Variants in SGCD observed in about 807,000 individuals in gnomAD.
SGCD encodes sarcoglycan delta, also known as delta-sarcoglycan.
A neutral mutation model predicts 36.6 loss-of-function variants in SGCD; 18 were observed. The ratio of observed to expected loss-of-function variants is 0.49; its 90% CI spans 0.34 to 0.73. The LOEUF (loss-of-function observed/expected upper bound fraction) is 0.73, where lower values mean the gene tolerates loss of function less well. SGCD is among the 30% of genes least tolerant of loss of function. SGCD has a pLI of 0.01. For synonymous variants in SGCD, 133 were observed against 130.6 expected (o/e 1.02, Z -0.12); for missense variants, 387 against 346.7 (o/e 1.12, Z -0.92).
At chr5:156,396,497 G>T (rs528406957) in intron 3 of SGCD, among the ~76,000 whole-genome samples, 1 of 152,128 alleles carries the variant, frequency 6.6e-6, no homozygotes, top group Admixed American at 6.5e-5. Context: ...GCGGGGTTTT[G>T]GAGAGAAAAT....
intron 3 of SGCD, among the ~76,000 whole-genome samples, chr5:156,204,816 T>C (rs1764235916): frequency 6.6e-6 from 1 of 152,128 alleles, no homozygotes; most frequent in African/African-American, 2.4e-5. Context: ...ATGTAAGTCG[T>C]AAGTAGCTAC....
chr5:156,736,586 G>A (rs2113043947), intron 7 of SGCD, among the ~76,000 whole-genome samples: 1 of 152,232 alleles, frequency 6.6e-6, no homozygotes, highest in Middle Eastern at 3.4e-3. Flanking sequence ...TCAATGGAAA[G>A]TTTTAAGAAG....
intron 3 of SGCD, among the ~76,000 whole-genome samples, chr5:156,257,971 G>A (rs907589973): frequency 2.6e-5 from 4 of 152,006 alleles, no homozygotes; most frequent in African/African-American, 7.3e-5. Context: ...TAATATGTGC[G>A]GTAAAATGGG....
chr5:156,593,200 G>T (rs143145606), intron 5 of SGCD, among the ~76,000 whole-genome samples: 1 of 152,178 alleles, frequency 6.6e-6, no homozygotes. Flanking sequence ...GAATAAGAAT[G>T]AGTTGGGAAA....
At chr5:156,542,350 T>A (rs1203425728) in intron 4 of SGCD, among the ~76,000 whole-genome samples, 1 of 152,210 alleles carries the variant, frequency 6.6e-6, no homozygotes. Context: ...TTCCGCTATT[T>A]ATGATAACTG....
chr5:156,243,696 G>A (rs1207498313), intron 3 of SGCD, among the ~76,000 whole-genome samples: 4 of 152,162 alleles, frequency 2.6e-5, no homozygotes, highest in Non-Finnish European at 4.4e-5. Context: ...AGGGGTCCCT[G>A]AGGAAATGTC....
chr5:156,116,863 C>G (rs1220923547), intron 1 of SGCD, among the ~76,000 whole-genome samples: 1 of 152,038 alleles, frequency 6.6e-6, no homozygotes, highest in African/African-American at 2.4e-5. Flanking sequence ...TGAGACTCTT[C>G]TTTTTGAGTG....
intron 7 of SGCD, among the ~76,000 whole-genome samples, chr5:156,735,894 C>G (rs914141385): frequency 6.6e-6 from 1 of 152,160 alleles, no homozygotes. Context: ...GCTGCTGTGC[C>G]AAGACTCCAT....
chr5:156,300,421 T>C (rs1767023319), intron 3 of SGCD, among the ~76,000 whole-genome samples: 1 of 152,066 alleles, frequency 6.6e-6, no homozygotes, highest in Admixed American at 6.6e-5. Flanking sequence ...TGTGTTTGCA[T>C]AGTTTCCAAA....
chr5:156,578,564 G>A (rs867126841), intron 4 of SGCD, among the ~76,000 whole-genome samples: 1 of 152,214 alleles, frequency 6.6e-6, no homozygotes, highest in South Asian at 2.1e-4. Flanking sequence ...TTGGTTGGTA[G>A]GCTATTAATT....
At chr5:156,404,443 C>T (rs540285222) in intron 3 of SGCD, among the ~76,000 whole-genome samples, 4 of 152,210 alleles carry the variant, frequency 2.6e-5, no homozygotes, top group Non-Finnish European at 5.9e-5. Flanking sequence ...ACATTTTAAT[C>T]GATGTATCTT....
chr5:156,148,396 A>G (rs1762756773), intron 3 of SGCD, among the ~76,000 whole-genome samples: 1 of 152,082 alleles, frequency 6.6e-6, no homozygotes, highest in Non-Finnish European at 1.5e-5. Flanking sequence ...GAAAAAGTTG[A>G]GTGGTCCTGG....
chr5:156,465,940 A>G (rs1046635890), intron 3 of SGCD, among the ~76,000 whole-genome samples: 11 of 152,280 alleles, frequency 7.2e-5, no homozygotes, highest in South Asian at 2.1e-4. Context: ...TTGCTAATGG[A>G]CATTTTGTTT....
At chr5:156,221,850 A>C (rs1764723948) in intron 3 of SGCD, among the ~76,000 whole-genome samples, 1 of 152,080 alleles carries the variant, frequency 6.6e-6, no homozygotes, top group South Asian at 2.1e-4. Flanking sequence ...TGAAAACTTA[A>C]GTTTCAAAGA....
rs1049605218 is a variant in SGCD, at chr5:156,759,934, C to T, written c.*544C>T. The T allele has an allele frequency of 1.3e-5, 2 of 152,182 alleles. No individual in the cohort carries two copies. Among genetic ancestry groups the T allele is most frequent in the African/African-American group, 4.8e-5 (2 of 41,440 alleles). 9.4% of individuals were successfully genotyped at this position (152,182 alleles called of 1,614,324 possible). A position where few individuals can be genotyped will look rare whatever the true frequency, so the allele number is the denominator to read the frequency against. On this transcript the variant is annotated 3_prime_UTR_variant, in exon 9 of 9. Transcript: ENST00000337851. Reference sequence around the variant, plus strand: ...GCTGGCTAACTTCCCCCTCTTCAAGCTAGGAACTGGCAATGCTGTAGAAGT... The same window carrying T: ...GCTGGCTAACTTCCCCCTCTTCAAGTTAGGAACTGGCAATGCTGTAGAAGT...
intron 1 of SGCD, among the ~76,000 whole-genome samples, chr5:156,030,287 GCAGATGTAAT>G (rs1187358037): frequency 6.6e-6 from 1 of 152,142 alleles, no homozygotes; most frequent in African/African-American, 2.4e-5. Context: ...TAGGGTCTTT[GCAGATGTAAT>G]CAAGTTAAGG....
At chr5:155,739,709 T>C in the SGCD span, among the ~76,000 whole-genome samples, 1 of 152,168 alleles carries the variant, frequency 6.6e-6, no homozygotes, top group Non-Finnish European at 1.5e-5. Flanking sequence ...AAGTGAATGC[T>C]TTAGTTTGGC....
intron 8 of SGCD, chr5:156,757,925 T>A (rs1757403104): frequency 7.6e-7 from 1 of 1,308,724 alleles, no homozygotes. Context: ...GATAATGGCA[T>A]GTATTCCAAG....
At chr5:156,690,729 T>C (rs1754075569) in intron 7 of SGCD, among the ~76,000 whole-genome samples, 1 of 152,074 alleles carries the variant, frequency 6.6e-6, no homozygotes, top group Non-Finnish European at 1.5e-5. Flanking sequence ...AGAAGGCAAT[T>C]TCAGAAGCAC....
Sources: gnomAD v4.1 joint callset for allele counts (sites outside exome capture counted in the v4.1 genomes callset) on GRCh38, gnomAD v4.1.1 for gene constraint, MANE v1.5 for transcripts, NCBI Gene and HGNC (gene_info 2026-07-23, HGNC 2026-07-21) for gene names.